The following TBC1D22A variants were observed in gnomAD, a reference collection of about 807,000 sequenced individuals.
The protein encoded by TBC1D22A is TBC1 domain family member 22A, also known as putative GTPase activator.
A neutral mutation model predicts 60.2 loss-of-function variants in TBC1D22A; 38 were observed. The ratio of observed to expected loss-of-function variants is 0.63; its 90% CI spans 0.49 to 0.83. The LOEUF is 0.83. Ranked by LOEUF, TBC1D22A falls within the 40% of genes least tolerant of loss-of-function variation. The pLI is 0.00. For missense variants in TBC1D22A, 628 were observed against 701.0 expected, an observed-to-expected ratio of 0.90 and a Z score of 1.18; for synonymous variants, 302 against 281.7, an observed-to-expected ratio of 1.07 and a Z score of -0.72.
intron 10 of TBC1D22A, among the ~76,000 whole-genome samples, chr22:47,029,265 TG>T (rs10719320): frequency 7.2e-4 from 55 of 76,840 alleles, no homozygotes; most frequent in African/African-American, 4.9e-3. Context: ...CCCCTTCCCA[TG>T]GGGCCCAGGG....
At chr22:46,772,138 T>C (rs542229940) in intron 1 of TBC1D22A, among the ~76,000 whole-genome samples, 1 of 24,396 alleles carries the variant, frequency 4.1e-5, no homozygotes, top group African/African-American at 1.4e-4. Flanking sequence ...CATATATATG[T>C]ATACACACAT....
At chr22:46,875,223 A>G (rs2067495112) in intron 4 of TBC1D22A, among the ~76,000 whole-genome samples, 1 of 152,234 alleles carries the variant, frequency 6.6e-6, no homozygotes, top group Admixed American at 6.5e-5. Context: ...CTTGTAAAGA[A>G]TGAACTACTG....
At chr22:46,775,053 G>C (rs1287025259) in intron 1 of TBC1D22A, among the ~76,000 whole-genome samples, 3 of 152,258 alleles carry the variant, frequency 2.0e-5, no homozygotes, top group Non-Finnish European at 2.9e-5. Flanking sequence ...GATGAGGCGA[G>C]TGATGTTTAT....
intron 1 of TBC1D22A, chr22:46,789,542 C>T (rs572885042): frequency 5.1e-5 from 9 of 176,436 alleles, no homozygotes; most frequent in South Asian, 9.7e-5. Flanking sequence ...GTGCCCTGTC[C>T]GAGAGTCAGT....
At chr22:46,766,766 G>A (rs1034357284) in intron 1 of TBC1D22A, among the ~76,000 whole-genome samples, 1 of 152,070 alleles carries the variant, frequency 6.6e-6, no homozygotes, top group African/African-American at 2.4e-5. Flanking sequence ...TCGATCTCTT[G>A]ACCTCATGAT....
intron 10 of TBC1D22A, 26 bp downstream of exon 10, chr22:46,997,735 T>C (rs780466720): frequency 6.2e-7 from 1 of 1,610,042 alleles, no homozygotes; most frequent in Non-Finnish European, 8.5e-7. Context: ...GCGCAGCCCC[T>C]CTCTGTGGGC....
intron 1 of TBC1D22A, among the ~76,000 whole-genome samples, chr22:46,782,388 CT>C (rs2146808652): frequency 6.6e-6 from 1 of 152,348 alleles, no homozygotes; most frequent in East Asian, 1.9e-4. Context: ...ATGAATGAGG[CT>C]GGTCAGCCAT....
chr22:46,795,822 A>C (rs1332862094), intron 3 of TBC1D22A, among the ~76,000 whole-genome samples: 1 of 152,180 alleles, frequency 6.6e-6, no homozygotes, highest in African/African-American at 2.4e-5. Flanking sequence ...TCATTTCTGA[A>C]GATCACAGGG....
intron 4 of TBC1D22A, among the ~76,000 whole-genome samples, chr22:46,866,116 A>G (rs867988853): frequency 5.9e-5 from 9 of 152,184 alleles, no homozygotes; most frequent in African/African-American, 1.4e-4. Context: ...TATTTTATCT[A>G]TTTTTTGAGA....
chr22:46,840,720 G>A (rs1413076124), intron 4 of TBC1D22A, among the ~76,000 whole-genome samples: 2 of 150,340 alleles, frequency 1.3e-5, no homozygotes, highest in African/African-American at 2.5e-5. Flanking sequence ...GTGGCAGAGC[G>A]AGACTCTGTC....
intron 10 of TBC1D22A, among the ~76,000 whole-genome samples, chr22:47,015,360 A>G (rs1395503770): frequency 6.6e-6 from 1 of 152,236 alleles, no homozygotes; most frequent in African/African-American, 2.4e-5. Context: ...CGCTCAAAGC[A>G]TTTCAGGAAC....
chr22:46,813,573 G>A (rs868467845), intron 4 of TBC1D22A, among the ~76,000 whole-genome samples: 6 of 152,276 alleles, frequency 3.9e-5, no homozygotes, highest in Middle Eastern at 3.4e-3. Context: ...CCTACCAGGC[G>A]AGGCACAGGG....
At chr22:46,888,618 T>C (rs2068239706) in intron 5 of TBC1D22A, among the ~76,000 whole-genome samples, 1 of 152,154 alleles carries the variant, frequency 6.6e-6, no homozygotes, top group Non-Finnish European at 1.5e-5. Flanking sequence ...TCAGACTTCA[T>C]GGGAGAAGTG....
chr22:47,122,829 C>A lies in TBC1D22A; in HGVS notation c.1425+11226C>A, dbSNP rs1046105228. Among the ~76,000 whole-genome samples the A allele has an allele frequency of 3.9e-5, 6 of 152,330 alleles. No individual in the cohort carries two copies. The East Asian group carries it at 1.2e-3, about 29-fold the overall frequency. ...GCTGGTGCCAGGGTGTGCCCAGCCT[C>A]TCTGGCTGTAGACCCCTGGAGTCCC... On this transcript the variant is annotated intron_variant, in intron 12 of 12. Transcript: ENST00000337137.
intron 12 of TBC1D22A, among the ~76,000 whole-genome samples, chr22:47,141,725 T>C (rs1160321199): frequency 6.6e-6 from 1 of 152,180 alleles, no homozygotes; most frequent in Non-Finnish European, 1.5e-5. Context: ...CCTACGTTGC[T>C]TGTAGTGTTT....
intron 1 of TBC1D22A, among the ~76,000 whole-genome samples, chr22:46,791,267 C>T (rs1391681065): frequency 1.3e-5 from 2 of 152,210 alleles, no homozygotes; most frequent in Middle Eastern, 3.2e-3. Flanking sequence ...AGCGATCCGC[C>T]CACCTCGGCC....
chr22:46,945,374 G>A (rs543191886), intron 8 of TBC1D22A, among the ~76,000 whole-genome samples: 1 of 152,204 alleles, frequency 6.6e-6, no homozygotes, highest in East Asian at 1.9e-4. Flanking sequence ...GGCAGCTGAC[G>A]TTTATTTAGC....
At chr22:47,079,443 A>G (rs2064367629) in intron 11 of TBC1D22A, among the ~76,000 whole-genome samples, 1 of 152,302 alleles carries the variant, frequency 6.6e-6, no homozygotes, top group Non-Finnish European at 1.5e-5. Flanking sequence ...GGTTGGTGAA[A>G]TAGCTACCTT....
intron 12 of TBC1D22A, among the ~76,000 whole-genome samples, chr22:47,149,083 G>A (rs950359526): frequency 1.3e-5 from 2 of 152,186 alleles, no homozygotes; most frequent in African/African-American, 2.4e-5. Context: ...AAGGAAGCTG[G>A]CATTTGTCAC....
Sources: gnomAD v4.1 joint callset for allele counts (sites outside exome capture counted in the v4.1 genomes callset) on GRCh38, gnomAD v4.1.1 for gene constraint, MANE v1.5 for transcripts, NCBI Gene and HGNC (gene_info 2026-07-23, HGNC 2026-07-21) for gene names.